G3BP1: variants seen among roughly 807,000 people sequenced by gnomAD.
The protein encoded by G3BP1 is G3BP stress granule assembly factor 1, also known as ras GTPase-activating protein-binding protein 1.
In G3BP1, 35 loss-of-function variants were observed where a neutral mutation model predicts 58.6. The observed-to-expected ratio is 0.60, with a 90% confidence interval of 0.46 to 0.79. The LOEUF (loss-of-function observed/expected upper bound fraction) is 0.79, where lower values mean the gene tolerates loss of function less well. G3BP1 is among the 30% of genes least tolerant of loss of function. The pLI is 0.00. For missense variants in G3BP1, 523 were observed against 580.8 expected (o/e 0.90, Z 1.02); for synonymous variants, 191 against 195.4 (o/e 0.98, Z 0.19).
At position 151,806,605 on chromosome 5, in the gene G3BP1, T is replaced by C. The variant is rs1461505663; in HGVS notation, c.*2514T>C. 2.0e-5 allele frequency: 3 copies of C among 152,166 alleles called. No individual in the cohort carries two copies. The highest frequency in any genetic ancestry group is 2.9e-5 in the Non-Finnish European group (2 of 68,034). The allele number at this position is 152,166 out of a possible 1,614,324, so 9.4% of individuals were successfully genotyped here. The stretch of plus-strand genomic sequence containing the variant: ...TTGCATGTAGAGTAAACCTGAGAGC[T>C]TAGAGATGTATACGTTTCCACTGCT... On this transcript the variant is annotated 3_prime_UTR_variant, in exon 12 of 12. Transcript: ENST00000356245.
At position 151,799,288 on chromosome 5, in the gene G3BP1, ATGT is replaced by A. The variant is rs746675653; in HGVS notation, c.823_825del (p.Val275del). The A allele has an allele frequency of 4.4e-6, 7 of 1,584,418 alleles. No individual in the cohort carries two copies. The highest frequency in any genetic ancestry group is 1.1e-5 in the South Asian group (1 of 90,430). On this transcript the variant is annotated inframe_deletion, in exon 8 of 12. Transcript: ENST00000356245. ...GTTCCAGTTACTGGGATACCACCTC[ATGT>A]TGTTAAAGTACCAGCTTCACAGGTA... is the stretch of plus-strand genomic sequence containing the variant.
chr5:151,783,882 C>A lies in G3BP1; in HGVS notation c.-49-2690C>A, dbSNP rs1428228558. Among the ~76,000 whole-genome samples the A allele has an allele frequency of 4.6e-5, 7 of 152,220 alleles. No individual in the cohort carries two copies. The East Asian group carries it at 1.2e-3, about 25-fold the overall frequency. On this transcript the variant is annotated intron_variant, in intron 1 of 11. Coordinates refer to ENST00000356245, the MANE Select transcript of G3BP1 (RefSeq NM_005754.3). ...GGTTCAAGCAGTTCTCCTCCCTCAGCCTCCTGAATAGCTGGGATTACAGGC... is the reference window on the plus strand; with the variant it reads ...GGTTCAAGCAGTTCTCCTCCCTCAGACTCCTGAATAGCTGGGATTACAGGC...
chr5:151,772,569 T>G (rs557511385), intron 1 of G3BP1: 2 of 152,490 alleles, frequency 1.3e-5, no homozygotes, highest in East Asian at 3.9e-4. Context: ...CACGGAGTGG[T>G]AGTAACAACC....
chr5:151,805,245 A>G lies in G3BP1; in HGVS notation c.*1154A>G, dbSNP rs1346054199. The stretch of plus-strand genomic sequence containing the variant: ...TTTTTTTTTTCTTAAAATCATAGCC[A>G]TATGGTAAATTTTCTATTTTGTTAT... On this transcript the variant is annotated 3_prime_UTR_variant, in exon 12 of 12. Transcript: ENST00000356245. The G allele has an allele frequency of 2.0e-5, 3 of 152,244 alleles. No individual in the cohort carries two copies. Among genetic ancestry groups the G allele is most frequent in the Admixed American group, 6.6e-5 (1 of 15,234 alleles). 9.4% of individuals were successfully genotyped at this position (152,244 alleles called of 1,614,324 possible).
chr5:151,792,839 T>A (rs1762683317), intron 4 of G3BP1, among the ~76,000 whole-genome samples: 1 of 152,164 alleles, frequency 6.6e-6, no homozygotes, highest in South Asian at 2.1e-4. Flanking sequence ...AGTCTCAAAC[T>A]CCTGGGCTTA....
chr5:151,793,012 G>A (rs1762686762), intron 4 of G3BP1, among the ~76,000 whole-genome samples: 1 of 152,124 alleles, frequency 6.6e-6, no homozygotes, highest in South Asian at 2.1e-4. Context: ...TACCTACTGC[G>A]AGCAATCTTT....
chr5:151,793,831 C>CAAAAA (rs751382380), intron 4 of G3BP1, among the ~76,000 whole-genome samples: 3 of 97,800 alleles, frequency 3.1e-5, no homozygotes, highest in South Asian at 3.2e-4. Flanking sequence ...CGTCTCTACT[C>CAAAAA]AAAAAAAAAA....
In G3BP1 at chr5:151,786,588, C is replaced by T. The variant is rs771933390; in HGVS notation, c.-33C>T. The stretch of plus-strand genomic sequence containing the variant: ...ATCCTTCAGGTTTGGACATATTTGA[C>T]TCTTTTCCCCCCAGGTTGAATTGAC... On this transcript the variant is annotated 5_prime_UTR_variant, in exon 2 of 12. Coordinates refer to ENST00000356245, the MANE Select transcript of G3BP1 (RefSeq NM_005754.3). 6.5e-6 allele frequency: 9 copies of T among 1,382,830 alleles called. No individual in the cohort carries two copies. Among genetic ancestry groups the T allele is most frequent in the Non-Finnish European group, 9.3e-6 (9 of 969,310 alleles). 85.7% of individuals were successfully genotyped at this position (1,382,830 alleles called of 1,614,324 possible). A position where few individuals can be genotyped will look rare whatever the true frequency, so the allele number is the denominator to read the frequency against.
chr5:151,812,322 T>C lies in G3BP1; in HGVS notation c.*8231T>C, dbSNP rs1436227622. 6.6e-6 allele frequency: 1 copy of C among 152,220 alleles called. No homozygotes were observed. Among genetic ancestry groups the C allele is most frequent in the East Asian group, 1.9e-4 (1 of 5,202 alleles). The allele number at this position is 152,220 out of a possible 1,614,324, so 9.4% of individuals were successfully genotyped here. ...TGTTTCAGGAAACATGCCCTAGCTATTGGAAGTTCGTATCTAACTTTTACC... is the reference window on the plus strand; with the variant it reads ...TGTTTCAGGAAACATGCCCTAGCTACTGGAAGTTCGTATCTAACTTTTACC... On this transcript the variant is annotated 3_prime_UTR_variant, in exon 12 of 12. Transcript: ENST00000356245.
intron 1 of G3BP1, among the ~76,000 whole-genome samples, chr5:151,773,095 T>G (rs1176162736): frequency 6.6e-6 from 1 of 152,234 alleles, no homozygotes; most frequent in Non-Finnish European, 1.5e-5. Flanking sequence ...GGTTTGAATC[T>G]CAGATTGCTG....
chr5:151,794,064 A>T (rs765103572), intron 4 of G3BP1, 95 bp from the exon 5 acceptor site: 22 of 744,716 alleles, frequency 3.0e-5, no homozygotes, highest in Non-Finnish European at 4.8e-5. Context: ...CAGATGTCTC[A>T]TGGAGGCAGA....
chr5:151,784,026 G>C (rs1247664530), intron 1 of G3BP1, among the ~76,000 whole-genome samples: 1 of 152,154 alleles, frequency 6.6e-6, no homozygotes, highest in Non-Finnish European at 1.5e-5. Flanking sequence ...CTCCGAAAGT[G>C]CTGGAATTAA....
rs763744425 is a variant in G3BP1, at chr5:151,805,997, C to T, written c.*1906C>T. The T allele has an allele frequency of 6.6e-6, 1 of 152,138 alleles. No individual in the cohort carries two copies. The highest frequency in any genetic ancestry group is 1.9e-4 in the East Asian group (1 of 5,202). 9.4% of individuals were successfully genotyped at this position (152,138 alleles called of 1,614,324 possible). A position where few individuals can be genotyped will look rare whatever the true frequency, so the allele number is the denominator to read the frequency against. On this transcript the variant is annotated 3_prime_UTR_variant, in exon 12 of 12. Coordinates refer to ENST00000356245, the MANE Select transcript of G3BP1 (RefSeq NM_005754.3). ...GAGACTTAAGGGCATTAACTAGATG[C>T]AGCAATCCTCAGCTTGGTGTTATCA...
At chr5:151,783,034 T>C (rs1053017967) in intron 1 of G3BP1, among the ~76,000 whole-genome samples, 3 of 151,896 alleles carry the variant, frequency 2.0e-5, no homozygotes, top group Non-Finnish European at 4.4e-5. Context: ...ATTTTTTGTA[T>C]TTTTATTAGA....
At position 151,786,319 on chromosome 5, in the gene G3BP1, A is replaced by G. The variant is rs377670218; in HGVS notation, c.-49-253A>G. Among the ~76,000 whole-genome samples the G allele has an allele frequency of 7.2e-5, 11 of 152,276 alleles. 1 individual carries two copies. The South Asian group carries it at 2.3e-3, about 32-fold the overall frequency. ...AAACAAGAAAATTATGGTGGGAAGT[A>G]TGTTGGAAATATATACCTTTGAGGT... On this transcript the variant is annotated intron_variant, in intron 1 of 11. Coordinates refer to ENST00000356245, the MANE Select transcript of G3BP1 (RefSeq NM_005754.3).
Position 151,790,343 on chromosome 5 carries a change from C to T in G3BP1, c.116C>T (p.Ser39Phe). The T allele has an allele frequency of 6.4e-7, 1 of 1,565,412 alleles. No homozygotes were observed. The highest frequency in any genetic ancestry group is 1.4e-5 in the African/African-American group (1 of 72,610). Residue 39 changes from serine to phenylalanine, a missense_variant, in exon 3 of 12, where the codon TCT becomes TTT. Around this residue, in one of 2 missense-constraint regions of G3BP1, gnomAD observed 398 missense variants for 399.1 expected, o/e 1.00. Coordinates refer to ENST00000356245, the MANE Select transcript of G3BP1 (RefSeq NM_005754.3). ...MLHRFYGKNSSYVHGGLDSNG... is the reference protein window; with the variant it reads ...MLHRFYGKNSFYVHGGLDSNG... Reference sequence around the variant, plus strand: ...TACAGATTTTATGGAAAGAACTCTTCTTATGTCCATGGGGGATTGGATTCA... The same window carrying T: ...TACAGATTTTATGGAAAGAACTCTTTTTATGTCCATGGGGGATTGGATTCA...
rs754266487 is a variant in G3BP1, at chr5:151,795,535, C to G, written c.499C>G (p.Pro167Ala). 8.1e-6 allele frequency: 13 copies of G among 1,607,618 alleles called. No individual in the cohort carries two copies. Among genetic ancestry groups the G allele is most frequent in the Non-Finnish European group, 1.0e-5 (12 of 1,174,448 alleles). ...AAGACAGCAAACACCTGAGGTGGTACCTGATGATTCTGGAACTTTCTATGA... is the reference window on the plus strand; with the variant it reads ...AAGACAGCAAACACCTGAGGTGGTAGCTGATGATTCTGGAACTTTCTATGA... ...EERQQTPEVVPDDSGTFYDQA... is the reference protein window; with the variant it reads ...EERQQTPEVVADDSGTFYDQA... Residue 167 changes from proline (P) to alanine (A), a missense_variant, in exon 6 of 12, where the codon CCT becomes GCT. By Grantham distance (27) the Pro-to-Ala change is conservative. Around this residue, in one of 2 missense-constraint regions of G3BP1, gnomAD observed 398 missense variants for 399.1 expected, o/e 1.00. Coordinates refer to ENST00000356245, the MANE Select transcript of G3BP1 (RefSeq NM_005754.3).
At chr5:151,789,881 C>A (rs952232735) in intron 2 of G3BP1, among the ~76,000 whole-genome samples, 1 of 151,992 alleles carries the variant, frequency 6.6e-6, no homozygotes, top group African/African-American at 2.4e-5. Context: ...AAAAAGAAAA[C>A]GTTTCTGCCA....
At position 151,805,998 on chromosome 5, in the gene G3BP1, A is replaced by T. The variant is rs1219925489; in HGVS notation, c.*1907A>T. 1 of 152,232 alleles carries T rather than the reference A, an allele frequency of 6.6e-6. No individual in the cohort carries two copies. Among genetic ancestry groups the T allele is most frequent in the African/African-American group, 2.4e-5 (1 of 41,456 alleles). 9.4% of individuals were successfully genotyped at this position (152,232 alleles called of 1,614,324 possible). ...AGACTTAAGGGCATTAACTAGATGC[A>T]GCAATCCTCAGCTTGGTGTTATCAC... On this transcript the variant is annotated 3_prime_UTR_variant, in exon 12 of 12. Coordinates refer to ENST00000356245, the MANE Select transcript of G3BP1 (RefSeq NM_005754.3).
Sources: allele counts gnomAD v4.1 joint callset (sites outside exome capture counted in the v4.1 genomes callset), GRCh38; gene constraint gnomAD v4.1.1; regional missense constraint gnomAD v4.1.1; transcripts MANE v1.5; gene names NCBI Gene and HGNC (gene_info 2026-07-23, HGNC 2026-07-21).